The following BNC2 variants were observed in gnomAD, a reference collection of about 807,000 sequenced individuals.
BNC2 encodes the protein basonuclin zinc finger protein 2.
Under a neutral mutation model 76.3 loss-of-function variants are expected in BNC2, and 20 were observed. The ratio of observed to expected loss-of-function variants is 0.26; its 90% CI spans 0.18 to 0.38. The LOEUF (loss-of-function observed/expected upper bound fraction) is 0.38, where lower values mean the gene tolerates loss of function less well. BNC2 is among the 10% of genes least tolerant of loss of function. The pLI is 1.00. For synonymous variants in BNC2, 582 were observed against 514.8 expected (o/e 1.13, Z -1.77); for missense variants, 1,382 against 1,399.8 (o/e 0.99, Z 0.20).
At chr9:16,732,446 CA>C (rs1824539738) in intron 2 of BNC2, among the ~76,000 whole-genome samples, 2 of 152,128 alleles carry the variant, frequency 1.3e-5, no homozygotes, top group South Asian at 2.1e-4. Flanking sequence ...ACATTTACTG[CA>C]CTGAGAAAGT....
intron 5 of BNC2, among the ~76,000 whole-genome samples, chr9:16,485,233 T>C (rs758507042): frequency 6.6e-6 from 1 of 152,124 alleles, no homozygotes; most frequent in Non-Finnish European, 1.5e-5. Flanking sequence ...CTCATAACCA[T>C]CTAATACAAT....
At chr9:16,628,701 C>T (rs571623511) in intron 3 of BNC2, among the ~76,000 whole-genome samples, 1 of 152,264 alleles carries the variant, frequency 6.6e-6, no homozygotes, top group African/African-American at 2.4e-5. Context: ...TTTAAACTTG[C>T]CATTTATACA....
intron 5 of BNC2, among the ~76,000 whole-genome samples, chr9:16,544,849 T>C (rs1025606176): frequency 1.3e-5 from 2 of 151,002 alleles, no homozygotes; most frequent in African/African-American, 4.9e-5. Flanking sequence ...CTTTAAAAAA[T>C]GCACACATGA....
At chr9:16,670,775 G>C (rs1822452814) in intron 3 of BNC2, among the ~76,000 whole-genome samples, 1 of 152,182 alleles carries the variant, frequency 6.6e-6, no homozygotes, top group Non-Finnish European at 1.5e-5. Context: ...ATAAATGCAA[G>C]AAAAGAGAAA....
At chr9:16,684,056 T>A (rs780125428) in intron 3 of BNC2, among the ~76,000 whole-genome samples, 2 of 152,202 alleles carry the variant, frequency 1.3e-5, no homozygotes, top group Non-Finnish European at 2.9e-5. Flanking sequence ...CTACATTTTC[T>A]CCCATAGTAT....
intron 5 of BNC2, among the ~76,000 whole-genome samples, chr9:16,457,514 G>A (rs983205577): frequency 6.6e-6 from 1 of 152,160 alleles, no homozygotes; most frequent in African/African-American, 2.4e-5. Flanking sequence ...GGTGCTCCCA[G>A]AGGAGTCACA....
At chr9:16,621,421 A>C (rs1207389293) in intron 3 of BNC2, among the ~76,000 whole-genome samples, 1 of 152,214 alleles carries the variant, frequency 6.6e-6, no homozygotes, top group South Asian at 2.1e-4. Context: ...GAAGGAAAAA[A>C]GTCTACAAGT....
intron 5 of BNC2, among the ~76,000 whole-genome samples, chr9:16,512,539 C>T (rs7856493): frequency 0.033 from 4,993 of 152,082 alleles, 275 homozygotes; most frequent in African/African-American, 0.11. Context: ...ATTAAATAAA[C>T]AACCAACTGA....
In BNC2 at chr9:16,436,877, T is replaced by C; in HGVS notation, c.1317A>G (p.Gly439=). ...MRRMGSASRK[G]RVFCNACGKT... ...TCCCACATGCATTACAGAACACTCTTCCTTTCCTAGAGGCTGACCCCATCC... is the reference window on the plus strand; with the variant it reads ...TCCCACATGCATTACAGAACACTCTCCCTTTCCTAGAGGCTGACCCCATCC... Residue 439 remains glycine, a synonymous_variant, in exon 6 of 7, where the codon GGA becomes GGG. Coordinates refer to ENST00000380672, the MANE Select transcript of BNC2 (RefSeq NM_017637.6). 6.2e-7 allele frequency: 1 copy of C among 1,614,158 alleles called. No individual in the cohort carries two copies. The highest frequency in any genetic ancestry group is 8.5e-7 in the Non-Finnish European group (1 of 1,180,040).
At chr9:16,542,236 A>G (rs891432483) in intron 5 of BNC2, among the ~76,000 whole-genome samples, 4 of 152,172 alleles carry the variant, frequency 2.6e-5, no homozygotes, top group African/African-American at 9.7e-5. Context: ...ATACACAGAA[A>G]AATGACGATG....
intron 3 of BNC2, among the ~76,000 whole-genome samples, chr9:16,601,841 G>A (rs1278480261): frequency 6.6e-6 from 1 of 152,134 alleles, no homozygotes; most frequent in African/African-American, 2.4e-5. Flanking sequence ...GGCCGTAACT[G>A]CAGTCACACT....
At chr9:16,799,991 C>A (rs551838290) in intron 1 of BNC2, among the ~76,000 whole-genome samples, 3 of 151,862 alleles carry the variant, frequency 2.0e-5, no homozygotes, top group African/African-American at 7.2e-5. Flanking sequence ...TTGACAGGCA[C>A]AGGTGGGCAG....
intron 4 of BNC2, among the ~76,000 whole-genome samples, chr9:16,568,194 G>A (rs1308295419): frequency 1.3e-5 from 2 of 152,072 alleles, no homozygotes; most frequent in Non-Finnish European, 2.9e-5. Flanking sequence ...ACTACTATTT[G>A]AATTTCCAAT....
At chr9:16,773,130 T>C (rs1381681230) in intron 1 of BNC2, among the ~76,000 whole-genome samples, 2 of 152,170 alleles carry the variant, frequency 1.3e-5, no homozygotes, top group African/African-American at 4.8e-5. Context: ...TTCTTTTTAC[T>C]ATCAAGGGAC....
At chr9:16,845,454 G>A (rs191140751) in intron 1 of BNC2, among the ~76,000 whole-genome samples, 2 of 152,310 alleles carry the variant, frequency 1.3e-5, no homozygotes, top group East Asian at 1.9e-4. Flanking sequence ...GGGCGCGGTG[G>A]CTCACACCTG....
At chr9:16,556,690 C>T (rs1481913760) in intron 4 of BNC2, among the ~76,000 whole-genome samples, 1 of 151,328 alleles carries the variant, frequency 6.6e-6, no homozygotes, top group Non-Finnish European at 1.5e-5. Context: ...ATCGCTGGAA[C>T]CTGGGAGGTG....
rs1302171149 is a variant in BNC2, at chr9:16,846,028, C to A, written c.3+24618G>T. On this transcript the variant is annotated intron_variant, in intron 1 of 6. Coordinates refer to ENST00000380672, the MANE Select transcript of BNC2 (RefSeq NM_017637.6). ...AGCTGGCCGCGGTGGCGGGCACCTG[C>A]AGTCCGGAGGCTGACGCAGGAGAAT... Among the ~76,000 whole-genome samples the A allele has an allele frequency of 2.0e-5, 3 of 150,932 alleles. No individual in the cohort carries two copies. The East Asian group carries it at 6.0e-4, about 30-fold the overall frequency.
intron 3 of BNC2, among the ~76,000 whole-genome samples, chr9:16,587,357 G>A (rs1050974801): frequency 1.3e-5 from 2 of 152,056 alleles, no homozygotes; most frequent in African/African-American, 4.8e-5. Context: ...GGGACTACAG[G>A]CGTGCACCAT....
At chr9:16,761,216 C>A (rs922402390) in intron 1 of BNC2, among the ~76,000 whole-genome samples, 2 of 152,122 alleles carry the variant, frequency 1.3e-5, no homozygotes, top group Non-Finnish European at 2.9e-5. Flanking sequence ...CCACTGCACT[C>A]CAGCCTGGCA....
Sources: gnomAD v4.1 joint callset for allele counts (sites outside exome capture counted in the v4.1 genomes callset) on GRCh38, gnomAD v4.1.1 for gene constraint, MANE v1.5 for transcripts, NCBI Gene and HGNC (gene_info 2026-07-23, HGNC 2026-07-21) for gene names.